RBMS3: variants seen among roughly 807,000 people sequenced by gnomAD.
RBMS3 encodes RNA binding motif single stranded interacting protein 3.
Under a neutral mutation model 66.8 loss-of-function variants are expected in RBMS3, and 27 were observed. The ratio of observed to expected loss-of-function variants is 0.40; its 90% CI spans 0.30 to 0.56. The LOEUF is 0.56. Ranked by LOEUF, RBMS3 falls within the 20% of genes least tolerant of loss-of-function variation. The pLI is 0.40. For missense variants in RBMS3, 513 were observed against 549.5 expected (o/e 0.93, Z 0.66); for synonymous variants, 188 against 183.0 (o/e 1.03, Z -0.22).
intron 3 of RBMS3, among the ~76,000 whole-genome samples, chr3:29,574,916 T>C (rs2047067640): frequency 6.6e-6 from 1 of 152,178 alleles, no homozygotes; most frequent in East Asian, 1.9e-4. Flanking sequence ...TTTTTAACTT[T>C]TTGTTATTTC....
At chr3:29,469,038 C>A (rs1460208141) in intron 2 of RBMS3, among the ~76,000 whole-genome samples, 1 of 151,974 alleles carries the variant, frequency 6.6e-6, no homozygotes, top group Non-Finnish European at 1.5e-5. Flanking sequence ...AAAATCAGAC[C>A]ACATATTGGA....
intron 1 of RBMS3, among the ~76,000 whole-genome samples, chr3:29,328,585 G>T (rs2035475555): frequency 6.6e-6 from 1 of 152,052 alleles, no homozygotes; most frequent in Non-Finnish European, 1.5e-5. Context: ...TAAATTTATT[G>T]GTAGTTAATG....
intron 4 of RBMS3, among the ~76,000 whole-genome samples, chr3:29,699,805 C>G (rs2052466437): frequency 6.6e-6 from 1 of 152,146 alleles, no homozygotes; most frequent in Non-Finnish European, 1.5e-5. Flanking sequence ...TACACTAAAC[C>G]ACAGTGCACA....
intron 4 of RBMS3, among the ~76,000 whole-genome samples, chr3:29,652,184 G>C (rs1172047641): frequency 6.6e-6 from 1 of 152,056 alleles, no homozygotes; most frequent in Non-Finnish European, 1.5e-5. Context: ...TTGTAAACCT[G>C]TGAAATGTAC....
At chr3:29,368,649 C>G (rs1367660963) in intron 1 of RBMS3, among the ~76,000 whole-genome samples, 1 of 148,018 alleles carries the variant, frequency 6.8e-6, no homozygotes, top group Non-Finnish European at 1.5e-5. Context: ...GTGACAGTCT[C>G]AATTTGTATT....
At chr3:29,870,335 T>G (rs565369581) in intron 7 of RBMS3, among the ~76,000 whole-genome samples, 94 of 152,242 alleles carry the variant, frequency 6.2e-4, no homozygotes, top group Non-Finnish European at 1.0e-3. Flanking sequence ...AAGACTCATT[T>G]GACATTTTAA....
chr3:29,420,947 G>GCAAAAA (rs777463375), intron 1 of RBMS3, among the ~76,000 whole-genome samples: 2 of 125,450 alleles, frequency 1.6e-5, no homozygotes, highest in East Asian at 2.4e-4. Flanking sequence ...TACTAAAAAT[G>GCAAAAA]AAAAAAAAAA....
At chr3:29,998,458 G>A (rs1559877915) in intron 14 of RBMS3, among the ~76,000 whole-genome samples, 2 of 152,214 alleles carry the variant, frequency 1.3e-5, no homozygotes, top group South Asian at 4.1e-4. Flanking sequence ...ACATCGCCAA[G>A]TCAATCCTAA....
At chr3:29,741,200 T>A (rs1264128524) in intron 5 of RBMS3, among the ~76,000 whole-genome samples, 1 of 152,220 alleles carries the variant, frequency 6.6e-6, no homozygotes, top group Non-Finnish European at 1.5e-5. Flanking sequence ...CTCCATAATG[T>A]ATACATAGTA....
chr3:29,892,828 TATGTATG>T (rs2060034292), intron 8 of RBMS3, among the ~76,000 whole-genome samples: 1 of 137,908 alleles, frequency 7.3e-6, no homozygotes, highest in Non-Finnish European at 1.5e-5. Context: ...TGTATGTATG[TATGTATG>T]TATGTATGTA....
In RBMS3 at chr3:30,010,289, T is replaced by C. The variant is rs542601456; in HGVS notation, c.*6427T>C. 9.2e-5 allele frequency: 14 copies of C among 152,288 alleles called. No homozygotes were observed. The highest frequency in any genetic ancestry group is 3.4e-4 in the African/African-American group (14 of 41,576). 9.4% of individuals were successfully genotyped at this position (152,288 alleles called of 1,614,324 possible). A position where few individuals can be genotyped will look rare whatever the true frequency, so the allele number is the denominator to read the frequency against. Reference sequence around the variant, plus strand: ...TACCACAGTCAAATTAGCAACCATCTCCCCCATCCCTTGGGCTTTCTGTAG... The same window carrying C: ...TACCACAGTCAAATTAGCAACCATCCCCCCCATCCCTTGGGCTTTCTGTAG... On this transcript the variant is annotated 3_prime_UTR_variant, in exon 15 of 15. Transcript: ENST00000383767.
chr3:29,970,725 T>C (rs1316840174), intron 12 of RBMS3, among the ~76,000 whole-genome samples: 1 of 152,200 alleles, frequency 6.6e-6, no homozygotes, highest in Non-Finnish European at 1.5e-5. Flanking sequence ...TCACTTTTAT[T>C]TGCTCTCTTT....
intron 12 of RBMS3, among the ~76,000 whole-genome samples, chr3:29,952,310 C>A (rs370907202): frequency 7.2e-5 from 11 of 151,876 alleles, no homozygotes; most frequent in African/African-American, 2.7e-4. Flanking sequence ...TATGTAAATC[C>A]ATTTTCCACC....
intron 6 of RBMS3, among the ~76,000 whole-genome samples, chr3:29,778,463 T>TAG (rs2056503904): frequency 6.6e-6 from 1 of 151,576 alleles, no homozygotes; most frequent in Admixed American, 6.6e-5. Context: ...GATTGGGGAA[T>TAG]TACTATGTGC....
intron 12 of RBMS3, among the ~76,000 whole-genome samples, chr3:29,974,221 A>G (rs1315868638): frequency 6.6e-6 from 1 of 151,846 alleles, no homozygotes; most frequent in Non-Finnish European, 1.5e-5. Context: ...CAAGACAACC[A>G]TTTTATACCT....
chr3:29,892,744 T>C (rs1030438987), intron 8 of RBMS3, among the ~76,000 whole-genome samples: 1 of 151,492 alleles, frequency 6.6e-6, no homozygotes, highest in African/African-American at 2.4e-5. Context: ...TGTTTAGAAT[T>C]ACCTTATTTT....
chr3:29,700,055 A>G (rs1378383056), intron 4 of RBMS3, among the ~76,000 whole-genome samples: 4 of 152,226 alleles, frequency 2.6e-5, no homozygotes. Flanking sequence ...GAACTCTCTA[A>G]GAGACTTTCT....
chr3:29,624,331 A>C (rs2048979022), intron 4 of RBMS3, among the ~76,000 whole-genome samples: 2 of 152,216 alleles, frequency 1.3e-5, no homozygotes, highest in Admixed American at 1.3e-4. Context: ...ACCCCCTGAA[A>C]TTTATAAAGC....
intron 6 of RBMS3, among the ~76,000 whole-genome samples, chr3:29,840,803 C>T (rs2058644906): frequency 6.6e-6 from 1 of 151,720 alleles, no homozygotes; most frequent in African/African-American, 2.4e-5. Flanking sequence ...TTTTCTATTA[C>T]AATGTTGCAA....
Sources: allele counts gnomAD v4.1 joint callset (sites outside exome capture counted in the v4.1 genomes callset), GRCh38; gene constraint gnomAD v4.1.1; transcripts MANE v1.5; gene names NCBI Gene and HGNC (gene_info 2026-07-23, HGNC 2026-07-21).